DCUN1D2: variants seen among roughly 807,000 people sequenced by gnomAD.
DCUN1D2 encodes DCN1-like protein 2.
Under a neutral mutation model 30.9 loss-of-function variants are expected in DCUN1D2, and 29 were observed. That is an observed-to-expected ratio of 0.94 (90% CI 0.70 to 1.28). DCUN1D2 has a LOEUF of 1.28. DCUN1D2 is among the 50% of genes most tolerant of loss of function. DCUN1D2 has a pLI of 0.00. For missense variants in DCUN1D2, 325 were observed against 316.9 expected (o/e 1.03, Z -0.19); for synonymous variants, 121 against 115.3 (o/e 1.05, Z -0.32).
intron 4 of DCUN1D2, among the ~76,000 whole-genome samples, chr13:113,470,754 CCAACTCCACAGAAGACA>C (rs1309253208): frequency 4.9e-5 from 7 of 143,798 alleles, no homozygotes; most frequent in African/African-American, 1.3e-4. Context: ...CACAGGGGAC[CCAACTCCACAGAAGACA>C]CAACTCCACA....
rs376213824 is a variant in DCUN1D2 at position 113,457,887 on chromosome 13, C to T, written c.*142G>A. On this transcript the variant is annotated 3_prime_UTR_variant, in exon 7 of 7. Coordinates refer to ENST00000478244, the MANE Select transcript of DCUN1D2 (RefSeq NM_001014283.2). Reference sequence around the variant, plus strand: ...CACAAAGCAGCCGCTGGCTGTCCTCCGGCAGAATGGGATGGCGCCTCTGGT... The same window carrying T: ...CACAAAGCAGCCGCTGGCTGTCCTCTGGCAGAATGGGATGGCGCCTCTGGT... The T allele has an allele frequency of 8.2e-5, 65 of 790,528 alleles. No homozygotes were observed. The East Asian group carries it at 1.2e-3, about 14-fold the overall frequency. The allele number at this position is 790,528 out of a possible 1,614,324, so 49.0% of individuals were successfully genotyped here.
chr13:113,468,602 C>T (rs1379907569), intron 4 of DCUN1D2, among the ~76,000 whole-genome samples: 4 of 152,140 alleles, frequency 2.6e-5, no homozygotes, highest in African/African-American at 7.2e-5. Flanking sequence ...AGACGTGCCA[C>T]GCTCCATCAA....
intron 4 of DCUN1D2, among the ~76,000 whole-genome samples, chr13:113,470,120 A>G (rs1032375271): frequency 3.9e-5 from 6 of 152,252 alleles, no homozygotes; most frequent in Non-Finnish European, 8.8e-5. Context: ...ACAGGATTGC[A>G]AAAGTGCATT....
At chr13:113,462,791 A>G (rs908995505) in intron 4 of DCUN1D2, 33 of 1,159,956 alleles carry the variant, frequency 2.8e-5, no homozygotes, top group East Asian at 7.6e-5. Context: ...TGTCCTGCTT[A>G]TAAGTCTACA....
intron 1 of DCUN1D2, among the ~76,000 whole-genome samples, chr13:113,489,778 A>C (rs1034806916): frequency 1.3e-5 from 2 of 151,776 alleles, no homozygotes; most frequent in African/African-American, 4.8e-5. Flanking sequence ...TCTCTGGCTA[A>C]TTTCCAGAGA....
chr13:113,468,043 T>TAAAAAAAA (rs59075073), intron 4 of DCUN1D2, among the ~76,000 whole-genome samples: 1 of 97,212 alleles, frequency 1.0e-5, no homozygotes, highest in Non-Finnish European at 2.0e-5. Flanking sequence ...GGATCCATCT[T>TAAAAAAAA]AAAAAAAAAA....
chr13:113,486,348 G>C (rs1266284615), intron 1 of DCUN1D2, among the ~76,000 whole-genome samples: 1 of 152,190 alleles, frequency 6.6e-6, no homozygotes, highest in African/African-American at 2.4e-5. Flanking sequence ...GGGCCTGCTT[G>C]AGGGTGGCAG....
chr13:113,472,518 A>G (rs1397486495), intron 4 of DCUN1D2, among the ~76,000 whole-genome samples: 4 of 152,308 alleles, frequency 2.6e-5, no homozygotes, highest in African/African-American at 9.6e-5. Flanking sequence ...ACAGCACTCC[A>G]TGAGTTCACG....
At chr13:113,484,167 C>G (rs1383951792) in intron 1 of DCUN1D2, 111 bp from the exon 2 acceptor site, 1 of 1,519,228 alleles carries the variant, frequency 6.6e-7, no homozygotes, top group African/African-American at 1.4e-5. Context: ...AAGCCTTGCT[C>G]TTCATCAGTT....
chr13:113,471,230 C>T (rs928463157), intron 4 of DCUN1D2, among the ~76,000 whole-genome samples: 9 of 150,040 alleles, frequency 6.0e-5, no homozygotes, highest in Non-Finnish European at 1.0e-4. Context: ...CACAGGGGAC[C>T]CAACTCCACA....
At position 113,470,223 on chromosome 13, in the gene DCUN1D2, G is replaced by A. The variant is rs375569011; in HGVS notation, c.520+3901C>T. Among the ~76,000 whole-genome samples, 28 of 152,302 alleles carry A rather than the reference G, an allele frequency of 1.8e-4. No individual in the cohort carries two copies. The South Asian group carries it at 5.2e-3, about 28-fold the overall frequency. On this transcript the variant is annotated intron_variant, in intron 4 of 6. Coordinates refer to ENST00000478244, the MANE Select transcript of DCUN1D2 (RefSeq NM_001014283.2). ...CCTACTGTCTTCAGTACAGTCACAC[G>A]CTGTCCAGGTTTGTATCCCCGGAGC...
intron 1 of DCUN1D2, among the ~76,000 whole-genome samples, chr13:113,489,662 A>G (rs933728645): frequency 6.6e-6 from 1 of 151,776 alleles, no homozygotes; most frequent in African/African-American, 2.4e-5. Flanking sequence ...AGCCAGGACA[A>G]TCTTTCAGCT....
At chr13:113,466,459 A>G (rs2044404243) in intron 4 of DCUN1D2, among the ~76,000 whole-genome samples, 2 of 152,238 alleles carry the variant, frequency 1.3e-5, no homozygotes. Flanking sequence ...AGATGCAAAA[A>G]TACTTTTCAG....
At chr13:113,477,605 G>C (rs1040354442) in intron 3 of DCUN1D2, among the ~76,000 whole-genome samples, 1 of 152,012 alleles carries the variant, frequency 6.6e-6, no homozygotes, top group Admixed American at 6.5e-5. Context: ...TCAAAGAGAA[G>C]GTGGCTTACA....
chr13:113,465,077 T>C (rs1266566675), intron 4 of DCUN1D2, among the ~76,000 whole-genome samples: 3 of 152,242 alleles, frequency 2.0e-5, no homozygotes, highest in Admixed American at 6.5e-5. Flanking sequence ...CATGTCAACA[T>C]TTAAAGGAAG....
chr13:113,472,189 C>T (rs1312419380), intron 4 of DCUN1D2, among the ~76,000 whole-genome samples: 1 of 152,018 alleles, frequency 6.6e-6, no homozygotes, highest in Non-Finnish European at 1.5e-5. Context: ...CCGTGAGAAC[C>T]AGAGCAGGAG....
intron 4 of DCUN1D2, among the ~76,000 whole-genome samples, chr13:113,464,941 C>A (rs920833901): frequency 2.0e-5 from 3 of 152,188 alleles, no homozygotes; most frequent in Admixed American, 6.5e-5. Flanking sequence ...TTGCCAAGGG[C>A]CTAGAAAAGC....
chr13:113,458,514 C>A (rs1222928259), intron 6 of DCUN1D2, among the ~76,000 whole-genome samples: 1 of 152,238 alleles, frequency 6.6e-6, no homozygotes, highest in African/African-American at 2.4e-5. Context: ...CCCCATTGCT[C>A]CCTTCCCCAC....
Position 113,474,106 on chromosome 13 carries a change from T to G in DCUN1D2, c.520+18A>C, listed in dbSNP as rs779926640. ...TCATTATGATCTGGCATTTTACGTA[T>G]TTGGATTTCATACTCACCTAAACCT... is the stretch of plus-strand genomic sequence containing the variant. On this transcript the variant is annotated intron_variant, in intron 4 of 6. Coordinates refer to ENST00000478244, the MANE Select transcript of DCUN1D2 (RefSeq NM_001014283.2). 1 of 1,606,084 alleles carries G rather than the reference T, an allele frequency of 6.2e-7. No individual in the cohort carries two copies. The highest frequency in any genetic ancestry group is 8.5e-7 in the Non-Finnish European group (1 of 1,173,736).
Sources: gnomAD v4.1 joint callset for allele counts (sites outside exome capture counted in the v4.1 genomes callset) on GRCh38, gnomAD v4.1.1 for gene constraint, MANE v1.5 for transcripts, NCBI Gene and HGNC (gene_info 2026-07-23, HGNC 2026-07-21) for gene names.